NT5C3A: variants seen among roughly 807,000 people sequenced by gnomAD.
NT5C3A encodes the protein cytosolic 5'-nucleotidase 3A.
NT5C3A carries 23 observed loss-of-function variants against 40.0 expected under a neutral mutation model. The observed-to-expected ratio is 0.58, with a 90% confidence interval of 0.41 to 0.81. NT5C3A has a LOEUF of 0.81. Ranked by LOEUF, NT5C3A falls within the 40% of genes least tolerant of loss-of-function variation. The pLI is 0.00. For synonymous variants in NT5C3A, 130 were observed against 141.4 expected (o/e 0.92, Z 0.57); for missense variants, 328 against 403.0 (o/e 0.81, Z 1.59).
At chr7:33,055,096 G>T (rs571072117) in intron 1 of NT5C3A, among the ~76,000 whole-genome samples, 3 of 152,156 alleles carry the variant, frequency 2.0e-5, no homozygotes, top group African/African-American at 7.2e-5. Flanking sequence ...AGGCCAAGGC[G>T]GGCGGATCAC....
In NT5C3A at chr7:33,021,328, A is replaced by T. The variant is rs771812581; in HGVS notation, c.384T>A (p.Ala128=). ...KLLQLKEKYY[A]IEVDPVLTVE... ...CAGTAAGAACAGGATCAACTTCAATAGCGTAATATTTTTCCTTTAGTTGCA... is the reference window on the plus strand; with the variant it reads ...CAGTAAGAACAGGATCAACTTCAATTGCGTAATATTTTTCCTTTAGTTGCA... The change falls in exon 5 of 9, where the codon GCT becomes GCA. Residue 128 remains alanine, a synonymous_variant. Coordinates refer to ENST00000610140, the MANE Select transcript of NT5C3A (RefSeq NM_001002010.5). 4 of 1,612,048 alleles carry T rather than the reference A, an allele frequency of 2.5e-6. No individual in the cohort carries two copies. The highest frequency in any genetic ancestry group is 3.4e-6 in the Non-Finnish European group (4 of 1,178,602).
chr7:33,015,911 C>G, intron 7 of NT5C3A, 41 bp from the exon 8 acceptor site: 1 of 1,353,954 alleles, frequency 7.4e-7, no homozygotes, highest in Non-Finnish European at 1.1e-6. Context: ...TTTAAAAATT[C>G]TATTTGTTGG....
intron 1 of NT5C3A, among the ~76,000 whole-genome samples, chr7:33,028,045 A>C (rs373764855): frequency 3.3e-5 from 5 of 152,370 alleles, no homozygotes; most frequent in African/African-American, 2.4e-5. Flanking sequence ...TAAATTTGAA[A>C]AGCTGCTTCA....
At chr7:33,018,406 A>G (rs1785454530) in intron 6 of NT5C3A, among the ~76,000 whole-genome samples, 1 of 152,156 alleles carries the variant, frequency 6.6e-6, no homozygotes, top group African/African-American at 2.4e-5. Flanking sequence ...AAGGAATGAA[A>G]CACTTACTAG....
At chr7:33,044,411 T>C (rs1411394462) in intron 1 of NT5C3A, among the ~76,000 whole-genome samples, 1 of 151,880 alleles carries the variant, frequency 6.6e-6, no homozygotes, top group African/African-American at 2.4e-5. Flanking sequence ...TGAGAAGGGA[T>C]AGAAAGGATA....
intron 3 of NT5C3A, 149 bp downstream of exon 3, chr7:33,023,890 T>C: frequency 1.6e-6 from 1 of 625,906 alleles, no homozygotes; most frequent in Non-Finnish European, 2.8e-6. Flanking sequence ...AAAAAAAACC[T>C]CAAAAATATA....
chr7:33,032,926 T>A (rs553269275), intron 1 of NT5C3A, among the ~76,000 whole-genome samples: 1 of 152,210 alleles, frequency 6.6e-6, no homozygotes, highest in African/African-American at 2.4e-5. Flanking sequence ...GGTATTTTTT[T>A]AATTTTTGTA....
At chr7:33,026,741 G>C (rs1405626284) in intron 2 of NT5C3A, 76 bp downstream of exon 2, 2 of 962,488 alleles carry the variant, frequency 2.1e-6, no homozygotes, top group South Asian at 1.3e-5. Flanking sequence ...TGATCCTCCT[G>C]CTTCAGTCTC....
At chr7:33,033,833 G>A (rs1786421153) in intron 1 of NT5C3A, among the ~76,000 whole-genome samples, 1 of 150,534 alleles carries the variant, frequency 6.6e-6, no homozygotes, top group African/African-American at 2.4e-5. Flanking sequence ...TCCTGTTCAT[G>A]AGAAGTAAAG....
At chr7:33,053,564 G>A (rs570102104) in intron 1 of NT5C3A, among the ~76,000 whole-genome samples, 1 of 12,382 alleles carries the variant, frequency 8.1e-5, no homozygotes, top group Admixed American at 9.3e-4. Context: ...GGGAGGCTGA[G>A]GGGGGAAGAC....
At chr7:33,055,531 A>C (rs1264910093) in intron 1 of NT5C3A, among the ~76,000 whole-genome samples, 1 of 152,142 alleles carries the variant, frequency 6.6e-6, no homozygotes, top group African/African-American at 2.4e-5. Context: ...AATTATCTGT[A>C]AGCAGAAAAT....
In NT5C3A at chr7:33,060,982, A is replaced by G. The variant is rs933206057; in HGVS notation, c.138+1586T>C. ...ATATTGACTGATTTCTTTAGTACCA[A>G]TAAGTTGGTATTCTAGATAGGTCTT... On this transcript the variant is annotated intron_variant, in intron 1 of 8. Coordinates refer to ENST00000610140, the MANE Select transcript of NT5C3A (RefSeq NM_001002010.5). Among the ~76,000 whole-genome samples, 15 of 152,252 alleles carry G rather than the reference A, an allele frequency of 9.9e-5. No homozygotes were observed. The East Asian group carries it at 1.2e-3, about 12-fold the overall frequency.
intron 8 of NT5C3A, among the ~76,000 whole-genome samples, chr7:33,015,259 C>A (rs1255309025): frequency 6.6e-6 from 1 of 152,142 alleles, no homozygotes; most frequent in Non-Finnish European, 1.5e-5. Flanking sequence ...AAAGAACAAT[C>A]AAAATGCATG....
In NT5C3A at chr7:33,062,582, T is replaced by TG. The variant is rs779900215; in HGVS notation, c.123dup (p.Lys42GlnfsTer44). 5 of 1,610,272 alleles carry TG rather than the reference T, an allele frequency of 3.1e-6. No individual in the cohort carries two copies. Among genetic ancestry groups the TG allele is most frequent in the Non-Finnish European group, 3.4e-6 (4 of 1,179,036 alleles). On this transcript the variant is annotated frameshift_variant, in exon 1 of 9. Coordinates refer to ENST00000610140, the MANE Select transcript of NT5C3A (RefSeq NM_001002010.5). LOFTEE classifies it high-confidence loss of function. ...TCCACACTCACCATCTCGATGATCT[T>TG]GGTCTTCCGCCCCGTCTTCCTCTTC... is the stretch of plus-strand genomic sequence containing the variant.
At chr7:33,040,618 C>T (rs181661828) in intron 1 of NT5C3A, among the ~76,000 whole-genome samples, 52 of 152,286 alleles carry the variant, frequency 3.4e-4, no homozygotes, top group African/African-American at 1.3e-3. Flanking sequence ...TTTTTCTCAA[C>T]ATCTACAGGT....
chr7:33,028,435 TAGA>T (rs1786067977), intron 1 of NT5C3A, among the ~76,000 whole-genome samples: 1 of 152,176 alleles, frequency 6.6e-6, no homozygotes, highest in African/African-American at 2.4e-5. Flanking sequence ...ACAATACAAC[TAGA>T]AGGAGAAAAT....
At chr7:33,028,333 C>T (rs1044414182) in intron 1 of NT5C3A, among the ~76,000 whole-genome samples, 4 of 152,150 alleles carry the variant, frequency 2.6e-5, no homozygotes, top group Non-Finnish European at 2.9e-5. Context: ...ACAATTTAAT[C>T]TTAAGTATTA....
chr7:33,062,651 C>T lies in NT5C3A; in HGVS notation c.55G>A (p.Ala19Thr), dbSNP rs944459217. The change falls in exon 1 of 9, where the codon GCC becomes ACC. Residue 19 changes from alanine (A) to threonine (T), a missense_variant. Around this residue, in one of 3 missense-constraint regions of NT5C3A, gnomAD observed 280 missense variants for 317.2 expected, o/e 0.88. Transcript: ENST00000610140. ...VGAVASASVC[A>T]LVAGVVLAQY... ...GCCAGCACCACCCCCGCCACCAGGG[C>T]GCACACGCTGGCGCTCGCTACCGCG... 27 of 1,596,930 alleles carry T rather than the reference C, an allele frequency of 1.7e-5. No individual in the cohort carries two copies. The highest frequency in any genetic ancestry group is 2.0e-5 in the Non-Finnish European group (24 of 1,172,704).
intron 2 of NT5C3A, among the ~76,000 whole-genome samples, chr7:33,026,353 G>GAAAAAAAAAAAAAAA (rs1226260693): frequency 1.1e-5 from 1 of 94,154 alleles, no homozygotes; most frequent in Non-Finnish European, 1.9e-5. Flanking sequence ...CATCTCAAAA[G>GAAAAAAAAAAAAAAA]AAAAAAAAAA....
Sources: allele counts gnomAD v4.1 joint callset (sites outside exome capture counted in the v4.1 genomes callset), GRCh38; gene constraint gnomAD v4.1.1; regional missense constraint gnomAD v4.1.1; transcripts MANE v1.5; gene names NCBI Gene and HGNC (gene_info 2026-07-23, HGNC 2026-07-21).